HYKK: variants seen among roughly 807,000 people sequenced by gnomAD.
HYKK encodes hydroxylysine kinase, also known as 5-hydroxy-L-lysine kinase.
Under a neutral mutation model 29.7 loss-of-function variants are expected in HYKK, and 19 were observed. The ratio of observed to expected loss-of-function variants is 0.64; its 90% CI spans 0.45 to 0.94. The LOEUF is 0.94. HYKK is among the 40% of genes least tolerant of loss of function. The probability of loss-of-function intolerance (pLI) is 0.00; values close to 1 mark genes in which losing one functional copy is unlikely to be tolerated. For synonymous variants in HYKK, 152 were observed against 158.1 expected, an observed-to-expected ratio of 0.96 and a Z score of 0.29; for missense variants, 390 against 443.4, an observed-to-expected ratio of 0.88 and a Z score of 1.08.
intron 3 of HYKK, among the ~76,000 whole-genome samples, chr15:78,519,119 A>G (rs1022809303): frequency 1.3e-5 from 2 of 152,206 alleles, no homozygotes; most frequent in African/African-American, 4.8e-5. Context: ...CATTCTCTGA[A>G]CCATTTATTC....
chr15:78,517,948 T>C (rs1284842070), intron 3 of HYKK, among the ~76,000 whole-genome samples: 1 of 152,086 alleles, frequency 6.6e-6, no homozygotes, highest in Non-Finnish European at 1.5e-5. Flanking sequence ...TACACATGGG[T>C]CATACACCCA....
rs1283384501 is a variant in HYKK, at chr15:78,517,031, A to G, written c.477+1924A>G. On this transcript the variant is annotated intron_variant, in intron 3 of 4. Transcript: ENST00000388988. ...AAGACCTTGTCTCAAAAAAAAAGAA[A>G]AAAGAAAGAAAGAAAGACATTGCTC... is the stretch of plus-strand genomic sequence containing the variant. Among the ~76,000 whole-genome samples the G allele has an allele frequency of 2.0e-5, 3 of 152,070 alleles. No homozygotes were observed. The South Asian group carries it at 6.2e-4, about 32-fold the overall frequency.
At position 78,533,544 on chromosome 15, in the gene HYKK, C is replaced by CTA. The variant is rs1255287639; in HGVS notation, c.998_999dup (p.Leu334IlefsTer24). 52 of 1,613,602 alleles carry CTA rather than the reference C, an allele frequency of 3.2e-5. No homozygotes were observed. The highest frequency in any genetic ancestry group is 4.3e-5 in the Non-Finnish European group (51 of 1,179,810). ...GCCAGCTATACCCAGAGAACAAAGA[C>CTA]TATCTCATGGTTACTGCAAAAACCG... On this transcript the variant is annotated frameshift_variant, in exon 5 of 5. Transcript: ENST00000388988. LOFTEE classifies it high-confidence loss of function.
At chr15:78,509,574 T>C (rs1485796905) in intron 1 of HYKK, among the ~76,000 whole-genome samples, 1 of 152,232 alleles carries the variant, frequency 6.6e-6, no homozygotes, top group African/African-American at 2.4e-5. Context: ...AATTCAGAAT[T>C]GTTCTGACAT....
chr15:78,520,098 C>T (rs1431380256), intron 3 of HYKK, among the ~76,000 whole-genome samples: 3 of 152,168 alleles, frequency 2.0e-5, no homozygotes, highest in Non-Finnish European at 1.5e-5. Flanking sequence ...TTACAGAGGA[C>T]GAGGGAGCTC....
Position 78,507,668 on chromosome 15 carries a change from G to C in HYKK, c.-9G>C, listed in dbSNP as rs1000204834. 3.3e-5 allele frequency: 5 copies of C among 152,366 alleles called. No homozygotes were observed. The highest frequency in any genetic ancestry group is 1.2e-4 in the African/African-American group (5 of 41,474). 9.4% of individuals were successfully genotyped at this position (152,366 alleles called of 1,614,324 possible). On this transcript the variant is annotated 5_prime_UTR_variant, in exon 1 of 5. Coordinates refer to ENST00000388988, the MANE Select transcript of HYKK (RefSeq NM_001013619.4). The stretch of plus-strand genomic sequence containing the variant: ...ATCCACCCCAGGACGTCGGGTCGCT[G>C]CCGGTGAGCCAAGGAGGGGGAAGCA...
intron 1 of HYKK, among the ~76,000 whole-genome samples, chr15:78,508,952 G>A (rs571129904): frequency 1.3e-5 from 2 of 150,586 alleles, no homozygotes; most frequent in South Asian, 4.2e-4. Flanking sequence ...GGAAGCTCAG[G>A]TGGGAGGATC....
intron 1 of HYKK, among the ~76,000 whole-genome samples, 190 bp from the exon 2 acceptor site, chr15:78,512,894 G>A (rs1239392628): frequency 1.3e-5 from 2 of 152,186 alleles, no homozygotes; most frequent in Non-Finnish European, 2.9e-5. Flanking sequence ...TTTGTATGCA[G>A]TTGTCAAATC....
At chr15:78,508,547 C>T (rs1013913807) in intron 1 of HYKK, among the ~76,000 whole-genome samples, 1 of 152,076 alleles carries the variant, frequency 6.6e-6, no homozygotes, top group Non-Finnish European at 1.5e-5. Context: ...GATTCTGACG[C>T]AGATCTTGGA....
chr15:78,510,308 T>C (rs1007668356), intron 1 of HYKK, among the ~76,000 whole-genome samples: 1 of 151,926 alleles, frequency 6.6e-6, no homozygotes, highest in African/African-American at 2.4e-5. Flanking sequence ...CGCAGCCTCC[T>C]GAGTAGCTGG....
At chr15:78,533,157 G>A (rs997916801) in intron 4 of HYKK, 53 bp from the exon 5 acceptor site, 4 of 1,115,124 alleles carry the variant, frequency 3.6e-6, no homozygotes, top group African/African-American at 1.5e-5. Flanking sequence ...AAATGGAAGG[G>A]GAATGAATTG....
At chr15:78,526,157 A>T (rs2052252504) in intron 3 of HYKK, among the ~76,000 whole-genome samples, 1 of 152,216 alleles carries the variant, frequency 6.6e-6, no homozygotes, top group Non-Finnish European at 1.5e-5. Context: ...GGCCCTTCCA[A>T]TTCCAGAATT....
intron 4 of HYKK, among the ~76,000 whole-genome samples, chr15:78,529,945 C>T (rs1010597921): frequency 4.0e-5 from 6 of 151,640 alleles, no homozygotes; most frequent in Non-Finnish European, 8.8e-5. Flanking sequence ...CCAAGCGATC[C>T]TCCCACCTCA....
intron 2 of HYKK, among the ~76,000 whole-genome samples, chr15:78,513,949 G>A (rs1748964739): frequency 2.0e-5 from 3 of 151,934 alleles, no homozygotes; most frequent in East Asian, 1.9e-4. Flanking sequence ...GCATCACCAC[G>A]CCCAGCTAAT....
chr15:78,520,579 C>A (rs997748986), intron 3 of HYKK, among the ~76,000 whole-genome samples: 1 of 152,124 alleles, frequency 6.6e-6, no homozygotes, highest in African/African-American at 2.4e-5. Flanking sequence ...CAACAGGATC[C>A]CAAGGCAGAA....
chr15:78,510,996 C>T (rs1362317113), intron 1 of HYKK, among the ~76,000 whole-genome samples: 2 of 122,622 alleles, frequency 1.6e-5, no homozygotes, highest in African/African-American at 6.4e-5. Context: ...AATAGAGAAG[C>T]GGGTCTCATT....
At chr15:78,522,588 A>C (rs1213965689) in intron 3 of HYKK, among the ~76,000 whole-genome samples, 2 of 144,402 alleles carry the variant, frequency 1.4e-5, no homozygotes, top group East Asian at 4.1e-4. Flanking sequence ...AAAAGGGAAG[A>C]CTCCAAAGCT....
intron 4 of HYKK, among the ~76,000 whole-genome samples, chr15:78,530,862 T>G (rs527573108): frequency 3.3e-5 from 5 of 151,948 alleles, no homozygotes; most frequent in Non-Finnish European, 5.9e-5. Context: ...TTTTGGTTTT[T>G]TTTGTTTGTT....
intron 4 of HYKK, chr15:78,528,619 G>A (rs956510616): frequency 1.6e-5 from 9 of 572,272 alleles, no homozygotes; most frequent in East Asian, 1.4e-4. Context: ...CCTGGCCAAC[G>A]TGGTGAAACC....
Sources: gnomAD v4.1 joint callset for allele counts (sites outside exome capture counted in the v4.1 genomes callset) on GRCh38, gnomAD v4.1.1 for gene constraint, MANE v1.5 for transcripts, NCBI Gene and HGNC (gene_info 2026-07-23, HGNC 2026-07-21) for gene names.